The following ANAPC11 variants were observed in gnomAD, a reference collection of about 807,000 sequenced individuals.
The protein encoded by ANAPC11 is anaphase-promoting complex subunit 11.
A neutral mutation model predicts 11.8 loss-of-function variants in ANAPC11; 5 were observed. The observed-to-expected ratio is 0.42, with a 90% CI of 0.22 to 0.89. The LOEUF (loss-of-function observed/expected upper bound fraction) is 0.89. Ranked by LOEUF, ANAPC11 falls within the 40% of genes least tolerant of loss-of-function variation. The probability of loss-of-function intolerance (pLI) is 0.28; values close to 1 mark genes in which losing one functional copy is unlikely to be tolerated. For missense variants in ANAPC11, 68 were observed against 112.9 expected, an observed-to-expected ratio of 0.60 and a Z score of 1.80; for synonymous variants, 45 against 41.0, an observed-to-expected ratio of 1.10 and a Z score of -0.38.
At chr17:81,891,356 T>A, upstream of ANAPC11, 1 of 1,150,688 alleles carries the variant, frequency 8.7e-7, no homozygotes, top group Non-Finnish European at 1.1e-6. Context: ...TCCTGCCGCC[T>A]CCGCCGGCCG....
At chr17:81,899,680 G>A (rs923498012) in intron 3 of ANAPC11, 50 of 1,104,738 alleles carry the variant, frequency 4.5e-5, no homozygotes, top group Middle Eastern at 3.0e-4. Context: ...CGCCTGCTGC[G>A]GTTGCCCCGG....
At chr17:81,891,569 G>C (rs1352818568), upstream of ANAPC11, 11 of 1,436,952 alleles carry the variant, frequency 7.7e-6, no homozygotes, top group Non-Finnish European at 9.1e-6. Context: ...TGGCGGGCGC[G>C]GAATCGGGCA....
At chr17:81,894,165 A>C (rs1045734145) in intron 2 of ANAPC11, 1 of 191,632 alleles carries the variant, frequency 5.2e-6, no homozygotes, top group African/African-American at 2.3e-5. Context: ...AGCCTCAGCT[A>C]CTCAGGAGGC....
At chr17:81,894,663 T>A in intron 3 of ANAPC11, 77 bp downstream of exon 3, 2 of 806,030 alleles carry the variant, frequency 2.5e-6, no homozygotes, top group Non-Finnish European at 3.9e-6. Flanking sequence ...CCTGCTGGAC[T>A]AGCCTCAGTA....
intron 2 of ANAPC11, among the ~76,000 whole-genome samples, chr17:81,893,874 G>A (rs2039640402): frequency 6.6e-6 from 1 of 150,944 alleles, no homozygotes; most frequent in Non-Finnish European, 1.5e-5. Flanking sequence ...TGGGATCACA[G>A]GTGTGAGCCA....
chr17:81,896,781 C>T (rs1231995528), intron 3 of ANAPC11, among the ~76,000 whole-genome samples: 1 of 147,312 alleles, frequency 6.8e-6, no homozygotes, highest in African/African-American at 2.5e-5. Context: ...TACCACCACA[C>T]TCATCTGCCT....
In ANAPC11 at chr17:81,898,840, C is replaced by T. The variant is rs182867461; in HGVS notation, c.110-1080C>T. 1,916 of 221,096 alleles carry T rather than the reference C, an allele frequency of 8.7e-3. 27 individuals carry two copies. The highest frequency in any genetic ancestry group is 8.8e-3 in the Non-Finnish European group (980 of 111,584). 13.7% of individuals were successfully genotyped at this position (221,096 alleles called of 1,614,324 possible). On this transcript the variant is annotated intron_variant, in intron 3 of 3. Transcript: ENST00000344877. ...CTCATCAGACACCCCAGGCCGGCTT[C>T]GGGTGGGGAATGCACTAGAACGAAG...
chr17:81,895,057 T>C (rs1236229974), intron 3 of ANAPC11, among the ~76,000 whole-genome samples: 3 of 139,768 alleles, frequency 2.1e-5, no homozygotes, highest in Admixed American at 7.0e-5. Context: ...TTTCTTTTTT[T>C]TTTTTTTTTT....
Position 81,894,552 on chromosome 17 carries a change from C to A in ANAPC11, c.75C>A (p.Ile25=), listed in dbSNP as rs200527548. The change falls in exon 3 of 4, where the codon ATC becomes ATA. Residue 25 remains isoleucine, a synonymous_variant. Coordinates refer to ENST00000344877, the MANE Select transcript of ANAPC11 (RefSeq NM_001002248.3). ...TGGCCAACGATGAGAACTGTGGCAT[C>A]TGCAGGATGGCATTTAACGGATGCT... is the stretch of plus-strand genomic sequence containing the variant. ...LWVANDENCG[I]CRMAFNGCCP... 6.2e-7 allele frequency: 1 copy of A among 1,612,260 alleles called. No homozygotes were observed. The highest frequency in any genetic ancestry group is 1.3e-5 in the African/African-American group (1 of 74,892).
chr17:81,891,625 G>T (rs1013300884), upstream of ANAPC11: 11 of 1,331,460 alleles, frequency 8.3e-6, no homozygotes, highest in East Asian at 4.4e-4. Flanking sequence ...CACTTCCGGC[G>T]CCGCGTGAGG....
intron 1 of ANAPC11, among the ~76,000 whole-genome samples, 181 bp from the exon 2 acceptor site, chr17:81,893,371 C>T (rs907208224): frequency 6.6e-6 from 1 of 151,978 alleles, no homozygotes; most frequent in African/African-American, 2.4e-5. Context: ...GGATTACAGG[C>T]GTGAGCCACT....
At chr17:81,890,881 C>G, upstream of ANAPC11, 1 of 1,609,480 alleles carries the variant, frequency 6.2e-7, no homozygotes, top group Non-Finnish European at 8.5e-7. Context: ...TTTCCTGACC[C>G]TCACGGCTAC....
intron 2 of ANAPC11, 42 bp from the exon 3 acceptor site, chr17:81,894,425 G>GTTC: frequency 3.2e-6 from 4 of 1,251,532 alleles, no homozygotes; most frequent in Non-Finnish European, 4.7e-6. Flanking sequence ...TTCTAGCTCT[G>GTTC]CAGACTCAAT....
chr17:81,896,689 G>A, intron 3 of ANAPC11, among the ~76,000 whole-genome samples: 1 of 151,278 alleles, frequency 6.6e-6, no homozygotes, highest in East Asian at 1.9e-4. Context: ...CATATTGATT[G>A]ACAGGGTCTC....
chr17:81,891,554 G>A (rs1400190720), upstream of ANAPC11: 3 of 1,435,262 alleles, frequency 2.1e-6, no homozygotes, highest in East Asian at 3.3e-5. Flanking sequence ...CCATTTTGTC[G>A]GCCATGGCGG....
chr17:81,900,142 C>T lies in ANAPC11; in HGVS notation c.*77C>T, dbSNP rs369752078. 1.0e-5 allele frequency: 16 copies of T among 1,580,910 alleles called. No homozygotes were observed. Among genetic ancestry groups the T allele is most frequent in the Admixed American group, 5.5e-5 (3 of 54,826 alleles). ...TGGCGCCGATGGCTGCTGGGGACAG[C>T]GCCCCTGAGCTGCAACAAGGTGGAA... On this transcript the variant is annotated 3_prime_UTR_variant, in exon 4 of 4. Coordinates refer to ENST00000344877, the MANE Select transcript of ANAPC11 (RefSeq NM_001002248.3).
chr17:81,891,367 C>T, upstream of ANAPC11: 2 of 1,149,390 alleles, frequency 1.7e-6, no homozygotes, highest in Non-Finnish European at 1.1e-6. Context: ...CCGCCGGCCG[C>T]GCCGCGGGCG....
At chr17:81,899,745 G>A (rs2039876192) in intron 3 of ANAPC11, 175 bp from the exon 4 acceptor site, 1 of 943,954 alleles carries the variant, frequency 1.1e-6, no homozygotes, top group Non-Finnish European at 1.6e-6. Context: ...GCCTGGGGGC[G>A]GGCTGGTCAG....
At chr17:81,891,480 C>A, upstream of ANAPC11, 1 of 1,196,302 alleles carries the variant, frequency 8.4e-7, no homozygotes, top group Non-Finnish European at 1.1e-6. Context: ...GCCGCGGCCC[C>A]GGCCCCCGCC....
Sources: gnomAD v4.1 joint callset for allele counts (sites outside exome capture counted in the v4.1 genomes callset) on GRCh38, gnomAD v4.1.1 for gene constraint, MANE v1.5 for transcripts, NCBI Gene and HGNC (gene_info 2026-07-23, HGNC 2026-07-21) for gene names.